The following MTHFD2L variants were observed in gnomAD, a reference collection of about 807,000 sequenced individuals.
The protein encoded by MTHFD2L is methylenetetrahydrofolate dehydrogenase (NADP+ dependent) 2 like.
In MTHFD2L, 29 loss-of-function variants were observed where a neutral mutation model predicts 34.9. The ratio of observed to expected loss-of-function variants is 0.83; its 90% CI spans 0.62 to 1.13. The LOEUF is 1.13. Among genes scored for constraint, MTHFD2L ranks in the 50% most tolerant of loss-of-function variants. The pLI is 0.00. For missense variants in MTHFD2L, 481 were observed against 446.5 expected (o/e 1.08, Z -0.70); for synonymous variants, 167 against 155.7 (o/e 1.07, Z -0.54).
intron 5 of MTHFD2L, among the ~76,000 whole-genome samples, chr4:74,203,187 C>T (rs1387109407): frequency 6.6e-6 from 1 of 150,730 alleles, no homozygotes; most frequent in Admixed American, 6.6e-5. Context: ...TTGATAATGA[C>T]TCCAGATAAC....
In MTHFD2L at chr4:74,246,442, G is replaced by C. The variant is rs546612183; in HGVS notation, c.805+21048G>C. Among the ~76,000 whole-genome samples, 8 of 152,100 alleles carry C rather than the reference G, an allele frequency of 5.3e-5. No homozygotes were observed. In the East Asian group the frequency reaches 1.5e-3, roughly 29 times the overall value. On this transcript the variant is annotated intron_variant, in intron 6 of 7. Coordinates refer to ENST00000325278, the MANE Select transcript of MTHFD2L (RefSeq NM_001144978.3). ...ATTTTGTAGGTTGCCTGTTCACTCT[G>C]ATGGTAGTTTCTTTTGCTGTGCAGA... is the stretch of plus-strand genomic sequence containing the variant.
chr4:74,292,837 A>G (rs1278531635), intron 7 of MTHFD2L, among the ~76,000 whole-genome samples: 1 of 151,922 alleles, frequency 6.6e-6, no homozygotes, highest in Non-Finnish European at 1.5e-5. Context: ...TTTAGTAGAA[A>G]TATCTTTTTT....
At chr4:74,131,869 A>C (rs1722532511) in intron 1 of MTHFD2L, among the ~76,000 whole-genome samples, 1 of 152,214 alleles carries the variant, frequency 6.6e-6, no homozygotes, top group African/African-American at 2.4e-5. Flanking sequence ...TCTACAAAGA[A>C]CTTAAACAAA....
chr4:74,283,082 G>A (rs1392057347), intron 7 of MTHFD2L, among the ~76,000 whole-genome samples: 4 of 152,172 alleles, frequency 2.6e-5, no homozygotes, highest in Middle Eastern at 3.4e-3. Flanking sequence ...TACCACATTT[G>A]TGATGCACCC....
chr4:74,241,545 C>T (rs893556377), intron 6 of MTHFD2L: 24 of 443,886 alleles, frequency 5.4e-5, no homozygotes, highest in Non-Finnish European at 1.0e-4. Flanking sequence ...CCATGCGTAG[C>T]TAATTTTTGT....
intron 3 of MTHFD2L, chr4:74,180,629 A>G: frequency 2.5e-6 from 1 of 401,840 alleles, no homozygotes; most frequent in Non-Finnish European, 5.3e-6. Flanking sequence ...ATGAGATAGA[A>G]TTCTGTCCTG....
intron 5 of MTHFD2L, among the ~76,000 whole-genome samples, chr4:74,222,325 C>G (rs1738346944): frequency 6.6e-6 from 1 of 151,028 alleles, no homozygotes; most frequent in South Asian, 2.1e-4. Context: ...GTTGAAAGTC[C>G]AAGATCAAGG....
intron 3 of MTHFD2L, chr4:74,183,838 T>C (rs1730648161): frequency 6.6e-6 from 1 of 151,822 alleles, no homozygotes; most frequent in Non-Finnish European, 1.5e-5. Context: ...TTCAGATTAT[T>C]TTAGAAGATA....
At chr4:74,117,825 T>A (rs1441795813) in intron 2 of MTHFD2L, among the ~76,000 whole-genome samples, 1 of 152,166 alleles carries the variant, frequency 6.6e-6, no homozygotes, top group Non-Finnish European at 1.5e-5. Flanking sequence ...AACTCTATGC[T>A]CAACCCTAAT....
intron 1 of MTHFD2L, among the ~76,000 whole-genome samples, chr4:74,172,319 AAT>A (rs1385553114): frequency 6.6e-6 from 1 of 152,184 alleles, no homozygotes; most frequent in Non-Finnish European, 1.5e-5. Flanking sequence ...GTACATGTTA[AAT>A]ATGTCCAGTT....
At chr4:74,175,537 G>A in intron 3 of MTHFD2L, 134 bp downstream of exon 3, 1 of 965,878 alleles carries the variant, frequency 1.0e-6, no homozygotes, top group Non-Finnish European at 1.5e-6. Flanking sequence ...ACTAGTAATA[G>A]GTGTAATAGT....
chr4:74,198,341 G>C (rs1050298016), intron 3 of MTHFD2L, among the ~76,000 whole-genome samples: 11 of 152,120 alleles, frequency 7.2e-5, no homozygotes, highest in African/African-American at 2.7e-4. Flanking sequence ...TTATTGTTTG[G>C]AGAATGGTTC....
chr4:74,177,789 T>C (rs564260684), intron 3 of MTHFD2L, among the ~76,000 whole-genome samples: 9 of 152,134 alleles, frequency 5.9e-5, no homozygotes, highest in African/African-American at 1.9e-4. Flanking sequence ...CAAAGAGATA[T>C]CTGCACTCCT....
chr4:74,245,589 T>A (rs1404309751), intron 6 of MTHFD2L, among the ~76,000 whole-genome samples: 1 of 152,120 alleles, frequency 6.6e-6, no homozygotes, highest in Non-Finnish European at 1.5e-5. Flanking sequence ...AACTCGTCAT[T>A]TAGCATTAGG....
chr4:74,127,529 C>G (rs1722166820), intron 1 of MTHFD2L, among the ~76,000 whole-genome samples: 1 of 152,124 alleles, frequency 6.6e-6, no homozygotes, highest in African/African-American at 2.4e-5. Context: ...GCTTATTTCA[C>G]TTAACATAAT....
chr4:74,210,698 A>ATT, intron 5 of MTHFD2L, among the ~76,000 whole-genome samples: 1 of 151,016 alleles, frequency 6.6e-6, no homozygotes, highest in Admixed American at 6.6e-5. Flanking sequence ...TCCATATGAA[A>ATT]TATATTTTTT....
intron 1 of MTHFD2L, among the ~76,000 whole-genome samples, chr4:74,170,274 T>C (rs539610804): frequency 6.6e-6 from 1 of 152,278 alleles, no homozygotes; most frequent in Admixed American, 6.5e-5. Flanking sequence ...GATAGATACA[T>C]AATAACCAAC....
intron 6 of MTHFD2L, among the ~76,000 whole-genome samples, chr4:74,263,501 T>C (rs1167664787): frequency 1.3e-5 from 2 of 152,048 alleles, no homozygotes; most frequent in Admixed American, 6.6e-5. Context: ...CTCTGATTTC[T>C]TTGAGCAATG....
chr4:74,122,401 C>A (rs984607879), upstream of MTHFD2L, among the ~76,000 whole-genome samples: 2 of 152,104 alleles, frequency 1.3e-5, no homozygotes, highest in African/African-American at 4.8e-5. Flanking sequence ...TTTTACACCA[C>A]CAGATCTCAT....
Sources: gnomAD v4.1 joint callset for allele counts (sites outside exome capture counted in the v4.1 genomes callset) on GRCh38, gnomAD v4.1.1 for gene constraint, MANE v1.5 for transcripts, NCBI Gene and HGNC (gene_info 2026-07-23, HGNC 2026-07-21) for gene names.